ONECUT2: variants seen among roughly 807,000 people sequenced by gnomAD.
ONECUT2 encodes one cut homeobox 2.
Under a neutral mutation model 27.9 loss-of-function variants are expected in ONECUT2, and 10 were observed. The observed-to-expected ratio is 0.36, with a 90% confidence interval of 0.22 to 0.61. The LOEUF (loss-of-function observed/expected upper bound fraction) is 0.61, where lower values mean the gene tolerates loss of function less well. Ranked by LOEUF, ONECUT2 falls within the 20% of genes least tolerant of loss-of-function variation. ONECUT2 has a pLI of 0.73. For synonymous variants in ONECUT2, 334 were observed against 315.1 expected (o/e 1.06, Z -0.64); for missense variants, 686 against 721.0 (o/e 0.95, Z 0.56).
rs898500616 is a variant in ONECUT2 at position 57,484,944 on chromosome 18, G to A, written c.*8221G>A. ...CTTAACATTTTCAGCTGTAAAATTAGTCACAAGCATTTTCAGTGTCCCATT... is the reference window on the plus strand; with the variant it reads ...CTTAACATTTTCAGCTGTAAAATTAATCACAAGCATTTTCAGTGTCCCATT... On this transcript the variant is annotated 3_prime_UTR_variant, in exon 2 of 2. Transcript: ENST00000491143. 1 of 152,150 alleles carries A rather than the reference G, an allele frequency of 6.6e-6. No individual in the cohort carries two copies. The highest frequency in any genetic ancestry group is 2.4e-5 in the African/African-American group (1 of 41,452). The allele number at this position is 152,150 out of a possible 1,614,324, so 9.4% of individuals were successfully genotyped here. A position where few individuals can be genotyped will look rare whatever the true frequency, so the allele number is the denominator to read the frequency against.
intron 1 of ONECUT2, among the ~76,000 whole-genome samples, chr18:57,453,776 G>A (rs1042946316): frequency 1.3e-5 from 2 of 152,234 alleles, no homozygotes; most frequent in African/African-American, 4.8e-5. Flanking sequence ...GGCCAAAGGG[G>A]TAGAATTCCA....
At chr18:57,449,075 G>A (rs1356695623) in intron 1 of ONECUT2, among the ~76,000 whole-genome samples, 1 of 152,186 alleles carries the variant, frequency 6.6e-6, no homozygotes, top group East Asian at 1.9e-4. Context: ...AGGAAGAGGT[G>A]GACTTCCTGT....
intron 1 of ONECUT2, among the ~76,000 whole-genome samples, chr18:57,471,954 G>A (rs538965111): frequency 6.6e-6 from 1 of 152,312 alleles, no homozygotes; most frequent in African/African-American, 2.4e-5. Context: ...TGACACATCA[G>A]CTCCTGGCAT....
intron 1 of ONECUT2, among the ~76,000 whole-genome samples, chr18:57,443,435 C>T (rs1293510160): frequency 5.3e-5 from 8 of 152,076 alleles, no homozygotes; most frequent in African/African-American, 1.4e-4. Flanking sequence ...GGGGAGAGTC[C>T]ATAATGAGGA....
chr18:57,472,876 G>A (rs2050361604), intron 1 of ONECUT2, among the ~76,000 whole-genome samples: 1 of 152,158 alleles, frequency 6.6e-6, no homozygotes, highest in Non-Finnish European at 1.5e-5. Flanking sequence ...TAATCCAAAG[G>A]AGCGTGAATT....
chr18:57,436,751 G>A lies in ONECUT2; in HGVS notation c.1035G>A (p.Glu345=). 6.2e-7 allele frequency: 1 copy of A among 1,614,018 alleles called. No homozygotes were observed. Among genetic ancestry groups the A allele is most frequent in the Non-Finnish European group, 8.5e-7 (1 of 1,180,040 alleles). The change falls in exon 1 of 2, where the codon GAG becomes GAA. Residue 345 remains glutamate, a synonymous_variant. Coordinates refer to ENST00000491143, the MANE Select transcript of ONECUT2 (RefSeq NM_004852.3). The surrounding 1 kb of genome is among the most constrained non-coding windows in gnomAD (Gnocchi z 5.9). ...AGGTGGCCCAGCGCATCACAGCGGAGCTGAAGCGCTACAGTATCCCCCAGG... is the reference window on the plus strand; with the variant it reads ...AGGTGGCCCAGCGCATCACAGCGGAACTGAAGCGCTACAGTATCCCCCAGG... ...TKEVAQRITA[E]LKRYSIPQAI...
In ONECUT2 at chr18:57,483,752, C is replaced by G. The variant is rs1463217029; in HGVS notation, c.*7029C>G. 1 of 152,588 alleles carries G rather than the reference C, an allele frequency of 6.6e-6. No homozygotes were observed. Among genetic ancestry groups the G allele is most frequent in the Admixed American group, 6.5e-5 (1 of 15,268 alleles). The allele number at this position is 152,588 out of a possible 1,614,324, so 9.5% of individuals were successfully genotyped here. A position where few individuals can be genotyped will look rare whatever the true frequency, so the allele number is the denominator to read the frequency against. ...CTCTTAAATTAACTTTTAAAATAGTCTAAGTAACAATTTTTAAATTATTTA... is the reference window on the plus strand; with the variant it reads ...CTCTTAAATTAACTTTTAAAATAGTGTAAGTAACAATTTTTAAATTATTTA... On this transcript the variant is annotated 3_prime_UTR_variant, in exon 2 of 2. Transcript: ENST00000491143.
In ONECUT2 at chr18:57,435,969, C is replaced by G; in HGVS notation, c.253C>G (p.Pro85Ala). The G allele has an allele frequency of 7.0e-7, 1 of 1,420,682 alleles. No homozygotes were observed. Among genetic ancestry groups the G allele is most frequent in the Non-Finnish European group, 9.1e-7 (1 of 1,093,338 alleles). 88.0% of individuals were successfully genotyped at this position (1,420,682 alleles called of 1,614,324 possible). ...AGSLRGPPPP[P>A]TAHQELGTAA... ...CTCGCTGCGGGGCCCTCCGCCGCCTCCAACCGCGCACCAGGAGCTGGGCAC... is the reference window on the plus strand; with the variant it reads ...CTCGCTGCGGGGCCCTCCGCCGCCTGCAACCGCGCACCAGGAGCTGGGCAC... Residue 85 changes from proline (P) to alanine (A), a missense_variant, in exon 1 of 2, where the codon CCA becomes GCA. Around this residue, in one of 4 missense-constraint regions of ONECUT2, gnomAD observed 511 missense variants for 488.1 expected, o/e 1.05. Coordinates refer to ENST00000491143, the MANE Select transcript of ONECUT2 (RefSeq NM_004852.3).
chr18:57,437,768 C>T (rs1478116159), intron 1 of ONECUT2, among the ~76,000 whole-genome samples: 29 of 152,258 alleles, frequency 1.9e-4, no homozygotes, highest in Admixed American at 1.9e-3. Context: ...GCCCCGGTCC[C>T]AGCGTTTGCT....
chr18:57,470,016 C>T (rs641524), intron 1 of ONECUT2, among the ~76,000 whole-genome samples: 98,387 of 152,142 alleles, frequency 0.65, 33,581 homozygotes, highest in Middle Eastern at 0.8. Context: ...GTATCAGTTA[C>T]CTGTCACCAC....
rs2050142523 is a variant in ONECUT2, at chr18:57,436,423, T to C, written c.707T>C (p.Leu236Pro). ...PLAATPLGNG[L>P]GGLHNAQQSL... is the part of the protein sequence containing the mutation. The stretch of plus-strand genomic sequence containing the variant: ...GCCGCCACGCCGCTGGGCAACGGGC[T>C]AGGCGGCCTCCACAACGCGCAGCAG... The change falls in exon 1 of 2, where the codon CTA becomes CCA. Residue 236 changes from leucine to proline, a missense_variant. By Grantham distance (98) the Leu-to-Pro change is moderately conservative (BLOSUM62 -3). Around this residue, in one of 4 missense-constraint regions of ONECUT2, gnomAD observed 511 missense variants for 488.1 expected, o/e 1.05. Transcript: ENST00000491143. This position sits in a 1 kb window ranked among gnomAD's most constrained non-coding sequence, Gnocchi z 5.9. 6.2e-7 allele frequency: 1 copy of C among 1,611,904 alleles called. No individual in the cohort carries two copies. Among genetic ancestry groups the C allele is most frequent in the African/African-American group, 1.3e-5 (1 of 74,948 alleles).
rs1423058639 is a variant in ONECUT2, at chr18:57,436,945, G to GTA, written c.1228+2_1228+3dup. The GTA allele has an allele frequency of 1.3e-6, 2 of 1,588,456 alleles. No individual in the cohort carries two copies. The highest frequency in any genetic ancestry group is 1.7e-6 in the Non-Finnish European group (2 of 1,167,770). ...CGCATGTCCGCCTTACGCCTGGCAG[G>GTA]TAAGGCCGGGGCTAGCCAGGGGCCA... On this transcript the variant is annotated splice_donor_variant, in intron 1 of 1. Coordinates refer to ENST00000491143, the MANE Select transcript of ONECUT2 (RefSeq NM_004852.3). LOFTEE classifies it high-confidence loss of function. The surrounding 1 kb of genome is among the most constrained non-coding windows in gnomAD (Gnocchi z 5.9).
chr18:57,435,690 C>T lies in ONECUT2; in HGVS notation c.-27C>T, dbSNP rs541713824. 1.4e-4 allele frequency: 146 copies of T among 1,067,920 alleles called. 1 individual carries two copies. In the African/African-American group the frequency reaches 2.1e-3, roughly 15 times the overall value. 66.2% of individuals were successfully genotyped at this position (1,067,920 alleles called of 1,614,324 possible). A position where few individuals can be genotyped will look rare whatever the true frequency, so the allele number is the denominator to read the frequency against. ...GCCCGCCGGCCGCCCCCGCCGCCCC[C>T]GCCGCCCCCGGGCCCTGATGGACTG... On this transcript the variant is annotated 5_prime_UTR_variant, in exon 1 of 2. Transcript: ENST00000491143.
chr18:57,459,534 T>C (rs2050278429), intron 1 of ONECUT2, among the ~76,000 whole-genome samples: 1 of 152,220 alleles, frequency 6.6e-6, no homozygotes, highest in South Asian at 2.1e-4. Context: ...TCTTTTAACT[T>C]TGATGTATCA....
chr18:57,436,826 C>T lies in ONECUT2; in HGVS notation c.1110C>T (p.Asp370=). The T allele has an allele frequency of 1.2e-6, 2 of 1,614,030 alleles. No homozygotes were observed. Among genetic ancestry groups the T allele is most frequent in the East Asian group, 4.5e-5 (2 of 44,890 alleles). ...VLCRSQGTLS[D]LLRNPKPWSK... ...GCCGGTCTCAGGGGACTCTCTCCGA[C>T]CTGCTCCGGAATCCAAAACCGTGGA... Residue 370 remains aspartate, a synonymous_variant, in exon 1 of 2, where the codon GAC becomes GAT. Coordinates refer to ENST00000491143, the MANE Select transcript of ONECUT2 (RefSeq NM_004852.3). The surrounding 1 kb of genome is among the most constrained non-coding windows in gnomAD (Gnocchi z 5.9).
At chr18:57,460,905 G>A (rs1181078595) in intron 1 of ONECUT2, among the ~76,000 whole-genome samples, 1 of 151,864 alleles carries the variant, frequency 6.6e-6, no homozygotes, top group African/African-American at 2.4e-5. Flanking sequence ...TGCCCAGGCT[G>A]GTCTCAAATG....
intron 1 of ONECUT2, among the ~76,000 whole-genome samples, chr18:57,442,081 C>G (rs1169492920): frequency 6.6e-6 from 1 of 150,838 alleles, no homozygotes; most frequent in East Asian, 1.9e-4. Context: ...AACTTTAAAG[C>G]TCTTCCTTCC....
In ONECUT2 at chr18:57,481,339, TC is replaced by T. The variant is rs1225052393; in HGVS notation, c.*4621del. 4.6e-5 allele frequency: 7 copies of T among 152,128 alleles called. No homozygotes were observed. The highest frequency in any genetic ancestry group is 1.7e-4 in the African/African-American group (7 of 41,432). 9.4% of individuals were successfully genotyped at this position (152,128 alleles called of 1,614,324 possible). On this transcript the variant is annotated 3_prime_UTR_variant, in exon 2 of 2. Coordinates refer to ENST00000491143, the MANE Select transcript of ONECUT2 (RefSeq NM_004852.3). ...AAAGAGTTGCTTCTAAGCTCCCTTT[TC>T]CCCCTGCAGGCTCTTGGCAATTGTA...
rs114407393 is a variant in ONECUT2 at position 57,438,088 on chromosome 18, G to C, written c.1228+1144G>C. Reference sequence around the variant, plus strand: ...TAGGAGCACAGAAACCTCCTGTGTGGGCGGCGGGTGCGCGAGCTAGAGGGA... The same window carrying C: ...TAGGAGCACAGAAACCTCCTGTGTGCGCGGCGGGTGCGCGAGCTAGAGGGA... On this transcript the variant is annotated intron_variant, in intron 1 of 1. Coordinates refer to ENST00000491143, the MANE Select transcript of ONECUT2 (RefSeq NM_004852.3). Among the ~76,000 whole-genome samples the C allele has an allele frequency of 6.9e-3, 1,057 of 152,346 alleles. 10 individuals are homozygous for C. Among genetic ancestry groups the C allele is most frequent in the African/African-American group, 0.024 (1,014 of 41,590 alleles).
Sources: allele counts gnomAD v4.1 joint callset (sites outside exome capture counted in the v4.1 genomes callset), GRCh38; gene constraint gnomAD v4.1.1; regional missense constraint gnomAD v4.1.1; non-coding constraint Gnocchi (gnomAD v3.1); transcripts MANE v1.5; gene names NCBI Gene and HGNC (gene_info 2026-07-23, HGNC 2026-07-21).